Variants in NCKAP5 observed in about 807,000 individuals in gnomAD.
The protein encoded by NCKAP5 is NCK associated protein 5.
A neutral mutation model predicts 167.0 loss-of-function variants in NCKAP5; 92 were observed. That is an observed-to-expected ratio of 0.55 (90% CI 0.47 to 0.66). The LOEUF (loss-of-function observed/expected upper bound fraction) is 0.66. NCKAP5 is among the 30% of genes least tolerant of loss of function. The pLI, the probability that NCKAP5 is intolerant of heterozygous loss-of-function variation, is 0.00. For missense variants in NCKAP5, 2,378 were observed against 2,315.0 expected (o/e 1.03, Z -0.56); for synonymous variants, 891 against 877.4 (o/e 1.02, Z -0.27).
At chr2:133,631,457 T>C in the NCKAP5 span, among the ~76,000 whole-genome samples, 2 of 152,258 alleles carry the variant, frequency 1.3e-5, no homozygotes, top group African/African-American at 4.8e-5. Flanking sequence ...CCTCCAAAGA[T>C]TGCTTTCTTT....
At chr2:133,043,003 C>A in intron 6 of NCKAP5, among the ~76,000 whole-genome samples, 1 of 152,030 alleles carries the variant, frequency 6.6e-6, no homozygotes. Context: ...CCTGAGAGGA[C>A]CAAGACCTGG....
intron 8 of NCKAP5, among the ~76,000 whole-genome samples, chr2:132,909,313 T>A (rs1694253095): frequency 6.6e-6 from 1 of 152,096 alleles, no homozygotes; most frequent in Admixed American, 6.5e-5. Context: ...ACCACTGTAC[T>A]CCAGCCTGGG....
At chr2:133,238,936 C>T (rs2087550369) in intron 4 of NCKAP5, among the ~76,000 whole-genome samples, 1 of 152,104 alleles carries the variant, frequency 6.6e-6, no homozygotes, top group Non-Finnish European at 1.5e-5. Context: ...CTGTATGTAA[C>T]CTGGTAATAT....
intron 6 of NCKAP5, among the ~76,000 whole-genome samples, chr2:133,098,381 A>G (rs1190331236): frequency 6.6e-6 from 1 of 152,238 alleles, no homozygotes; most frequent in Non-Finnish European, 1.5e-5. Context: ...TATTACATCC[A>G]TATTAGGATC....
intron 5 of NCKAP5, among the ~76,000 whole-genome samples, chr2:133,190,178 C>T (rs1432518549): frequency 2.0e-5 from 3 of 152,058 alleles, no homozygotes; most frequent in South Asian, 2.1e-4. Context: ...TTCACAATTG[C>T]TTCAAAGAGA....
At chr2:132,791,650 A>C (rs1684078379) in intron 12 of NCKAP5, among the ~76,000 whole-genome samples, 1 of 152,224 alleles carries the variant, frequency 6.6e-6, no homozygotes, top group East Asian at 1.9e-4. Context: ...GCAGAGTGGC[A>C]AAGCCTTTTA....
chr2:133,219,785 A>C (rs889557374), intron 4 of NCKAP5, among the ~76,000 whole-genome samples: 3 of 152,080 alleles, frequency 2.0e-5, no homozygotes, highest in Non-Finnish European at 4.4e-5. Context: ...TTCTAAAACT[A>C]AGGAAGTGGT....
rs527753739 is a variant in NCKAP5, at chr2:133,141,783, T to C, written c.208-11672A>G. Among the ~76,000 whole-genome samples, 129 of 152,306 alleles carry C rather than the reference T, an allele frequency of 8.5e-4. 1 individual carries two copies. The highest frequency in any genetic ancestry group is 3.0e-3 in the African/African-American group (123 of 41,572). ...ACTTGAGAACAAGTGGGTTGGTTTT[T>C]ACATAGCCAGCTTCCATTATTTCAT... On this transcript the variant is annotated intron_variant, in intron 5 of 19. Transcript: ENST00000409261.
intron 3 of NCKAP5, among the ~76,000 whole-genome samples, chr2:133,420,736 TCAC>T (rs1417767971): frequency 6.6e-6 from 1 of 152,176 alleles, no homozygotes; most frequent in Non-Finnish European, 1.5e-5. Context: ...TATTCAAGCC[TCAC>T]AGCAAACCGC....
At chr2:133,461,204 A>C (rs1692179690) in intron 3 of NCKAP5, among the ~76,000 whole-genome samples, 1 of 152,158 alleles carries the variant, frequency 6.6e-6, no homozygotes, top group African/African-American at 2.4e-5. Context: ...CTCCAAATAG[A>C]AACATTATTT....
Position 133,005,773 on chromosome 2 carries a change from C to T in NCKAP5, c.342-11534G>A, listed in dbSNP as rs375565486. Among the ~76,000 whole-genome samples, 96 of 152,232 alleles carry T rather than the reference C, an allele frequency of 6.3e-4. 1 individual carries two copies. Among genetic ancestry groups the T allele is most frequent in the Middle Eastern group, 3.4e-3 (1 of 294 alleles). ...TGGCCCCCATATTTATCTTTATTGG[C>T]CACTGTGTTTAGGAATAATGAAAAT... On this transcript the variant is annotated intron_variant, in intron 6 of 19. Transcript: ENST00000409261.
intron 1 of NCKAP5, among the ~76,000 whole-genome samples, chr2:133,561,302 TAAGTG>T (rs1688139513): frequency 6.6e-6 from 1 of 152,194 alleles, no homozygotes; most frequent in African/African-American, 2.4e-5. Flanking sequence ...CACATTATTT[TAAGTG>T]AACTGTTTTA....
rs577891879 is a variant in NCKAP5 at position 132,958,177 on chromosome 2, T to C, written c.579+5543A>G. On this transcript the variant is annotated intron_variant, in intron 8 of 19. Transcript: ENST00000409261. ...GTTACGAACATGAAAATAGCATATA[T>C]AAACATAAATGGTAATCAGAACAGT... Among the ~76,000 whole-genome samples, 50 of 152,248 alleles carry C rather than the reference T, an allele frequency of 3.3e-4. 1 individual carries two copies. Among genetic ancestry groups the C allele is most frequent in the African/African-American group, 1.2e-3 (50 of 41,554 alleles).
intron 8 of NCKAP5, among the ~76,000 whole-genome samples, chr2:132,935,662 A>C (rs77924127): frequency 0.011 from 1,625 of 152,260 alleles, 32 homozygotes; most frequent in African/African-American, 0.036. Flanking sequence ...CCCTTCTGGA[A>C]AACTAACTAG....
intron 3 of NCKAP5, among the ~76,000 whole-genome samples, chr2:133,478,443 AT>A (rs1251759052): frequency 6.6e-6 from 1 of 152,110 alleles, no homozygotes; most frequent in Middle Eastern, 3.2e-3. Flanking sequence ...TAGCACTGGG[AT>A]CTTGAACCTT....
intron 4 of NCKAP5, among the ~76,000 whole-genome samples, chr2:133,249,634 G>A (rs1446152609): frequency 6.6e-6 from 1 of 152,176 alleles, no homozygotes; most frequent in Non-Finnish European, 1.5e-5. Flanking sequence ...ACTGTTGATT[G>A]AGGACCTCCT....
At chr2:133,557,130 C>T (rs1278830195) in intron 2 of NCKAP5, among the ~76,000 whole-genome samples, 2 of 152,136 alleles carry the variant, frequency 1.3e-5, no homozygotes, top group East Asian at 3.9e-4. Context: ...ATTTTTGGTG[C>T]TGATAATGCT....
At chr2:133,027,648 A>C (rs537238553) in intron 6 of NCKAP5, among the ~76,000 whole-genome samples, 1 of 152,186 alleles carries the variant, frequency 6.6e-6, no homozygotes, top group African/African-American at 2.4e-5. Context: ...GCTGGACTAG[A>C]ACTGTTAGGT....
intron 11 of NCKAP5, among the ~76,000 whole-genome samples, chr2:132,798,233 T>C (rs1684755772): frequency 6.6e-6 from 1 of 152,186 alleles, no homozygotes; most frequent in East Asian, 1.9e-4. Flanking sequence ...CTGACTTTCC[T>C]GGGGGCAAAG....
Sources: gnomAD v4.1 joint callset for allele counts (sites outside exome capture counted in the v4.1 genomes callset) on GRCh38, gnomAD v4.1.1 for gene constraint, MANE v1.5 for transcripts, NCBI Gene and HGNC (gene_info 2026-07-23, HGNC 2026-07-21) for gene names.